FARSB: variants seen among roughly 807,000 people sequenced by gnomAD.
FARSB encodes phenylalanine--tRNA ligase beta subunit.
A neutral mutation model predicts 69.6 loss-of-function variants in FARSB; 40 were observed. That is an observed-to-expected ratio of 0.57 (90% CI 0.45 to 0.75). FARSB has a LOEUF of 0.75. Ranked by LOEUF, FARSB falls within the 30% of genes least tolerant of loss-of-function variation. FARSB has a pLI of 0.00. For missense variants in FARSB, 632 were observed against 722.9 expected (o/e 0.87, Z 1.44); for synonymous variants, 235 against 247.2 (o/e 0.95, Z 0.46).
intron 14 of FARSB, among the ~76,000 whole-genome samples, chr2:222,616,672 G>T (rs930495970): frequency 6.6e-6 from 1 of 151,064 alleles, no homozygotes; most frequent in African/African-American, 2.4e-5. Flanking sequence ...TTTGTTTATT[G>T]TCACTATAAT....
intron 15 of FARSB, among the ~76,000 whole-genome samples, chr2:222,605,272 C>T (rs541136927): frequency 3.3e-5 from 5 of 151,700 alleles, no homozygotes; most frequent in Non-Finnish European, 7.4e-5. Context: ...CCCTTTCATA[C>T]TACTGACTTG....
chr2:222,599,493 A>G (rs1690504746), intron 16 of FARSB, among the ~76,000 whole-genome samples: 1 of 152,210 alleles, frequency 6.6e-6, no homozygotes, highest in Non-Finnish European at 1.5e-5. Flanking sequence ...ATCTTTCAGA[A>G]TAACTTCTGA....
At chr2:222,602,495 T>C (rs576883426) in intron 15 of FARSB, among the ~76,000 whole-genome samples, 1 of 151,898 alleles carries the variant, frequency 6.6e-6, no homozygotes, top group South Asian at 2.1e-4. Flanking sequence ...TGAGTAGTCA[T>C]ACAGATGAGT....
At chr2:222,641,532 A>T (rs546152894) in intron 3 of FARSB, among the ~76,000 whole-genome samples, 1 of 152,344 alleles carries the variant, frequency 6.6e-6, no homozygotes, top group East Asian at 1.9e-4. Flanking sequence ...ATTCTGATTA[A>T]TAGGTGTTGG....
At chr2:222,642,238 T>C (rs998270156) in intron 3 of FARSB, among the ~76,000 whole-genome samples, 1 of 152,192 alleles carries the variant, frequency 6.6e-6, no homozygotes, top group Admixed American at 6.5e-5. Flanking sequence ...TGACCTCAAG[T>C]GATCCACCAG....
intron 15 of FARSB, among the ~76,000 whole-genome samples, chr2:222,606,052 T>C (rs1368924560): frequency 1.3e-5 from 2 of 152,210 alleles, no homozygotes; most frequent in Non-Finnish European, 2.9e-5. Flanking sequence ...TTTTGCAATA[T>C]TTTTAAGAAA....
rs1004946913 is a variant in FARSB, at chr2:222,616,985, C to CT, written c.1344+2659dup. 2.5e-3 allele frequency among the ~76,000 whole-genome samples: 70 copies of CT among 28,368 alleles called. 14 individuals carry two copies. The highest frequency in any genetic ancestry group is 6.5e-3 in the East Asian group (18 of 2,772). 18.6% of individuals were successfully genotyped at this position (28,368 alleles called of 152,430 possible). A position where few individuals can be genotyped will look rare whatever the true frequency, so the allele number is the denominator to read the frequency against. On this transcript the variant is annotated intron_variant, in intron 14 of 16. Coordinates refer to ENST00000281828, the MANE Select transcript of FARSB (RefSeq NM_005687.5). ...GGTACTTTATGCAGAAAGATTGATT[C>CT]TTTTTTTTTTTTTTTTTTTTTTTTT...
At chr2:222,616,545 C>CAAAAAA (rs11447332) in intron 14 of FARSB, among the ~76,000 whole-genome samples, 3 of 74,060 alleles carry the variant, frequency 4.1e-5, no homozygotes, top group South Asian at 5.7e-4. Context: ...GACTCCATCT[C>CAAAAAA]AAAAAAAAAA....
chr2:222,613,702 C>T, intron 15 of FARSB, 109 bp downstream of exon 15: 1 of 666,678 alleles, frequency 1.5e-6, no homozygotes. Flanking sequence ...GTGCTGGGTA[C>T]ATAGGGGCTA....
At position 222,624,709 on chromosome 2, in the gene FARSB, C is replaced by A; in HGVS notation, c.962+5G>T. On this transcript the variant is annotated splice_donor_5th_base_variant and intron_variant, in intron 11 of 16. Transcript: ENST00000281828. ...CTTGAATTAAGTGAAGTTTTCAGAG[C>A]ATACCTGATTCCAACTTTTTTGTTA... is the stretch of plus-strand genomic sequence containing the variant. The A allele has an allele frequency of 6.3e-7, 1 of 1,592,208 alleles. No individual in the cohort carries two copies. The highest frequency in any genetic ancestry group is 8.6e-7 in the Non-Finnish European group (1 of 1,164,436).
At chr2:222,578,854 C>T (rs989266274) in intron 16 of FARSB, among the ~76,000 whole-genome samples, 12 of 151,970 alleles carry the variant, frequency 7.9e-5, no homozygotes, top group Admixed American at 3.9e-4. Flanking sequence ...TGACGGTGGG[C>T]GCCTGTAGTC....
rs142520041 is a variant in FARSB at position 222,576,171 on chromosome 2, C to A, written c.1619-4149G>T. On this transcript the variant is annotated intron_variant, in intron 16 of 16. Transcript: ENST00000281828. ...AATCAGGGTCTTAATTCCTGATCTT[C>A]ATCCCCCTGCCACTGGCTATATTCG... Among the ~76,000 whole-genome samples, 230 of 152,188 alleles carry A rather than the reference C, an allele frequency of 1.5e-3. 1 individual carries two copies. The highest frequency in any genetic ancestry group is 0.013 in the Admixed American group (199 of 15,288).
At chr2:222,590,217 G>A (rs1041390166) in intron 16 of FARSB, among the ~76,000 whole-genome samples, 5 of 152,124 alleles carry the variant, frequency 3.3e-5, no homozygotes, top group Admixed American at 6.6e-5. Context: ...CCTTTGTAGG[G>A]ACATGGATGA....
chr2:222,613,565 A>C (rs1690911804), intron 15 of FARSB, among the ~76,000 whole-genome samples: 1 of 152,138 alleles, frequency 6.6e-6, no homozygotes, highest in Admixed American at 6.5e-5. Flanking sequence ...TAAATAAATA[A>C]ATACATACTA....
chr2:222,609,514 G>C (rs1238594528), intron 15 of FARSB, among the ~76,000 whole-genome samples: 1 of 152,110 alleles, frequency 6.6e-6, no homozygotes, highest in Non-Finnish European at 1.5e-5. Flanking sequence ...CATTCCAAAA[G>C]CATATGCCAC....
intron 14 of FARSB, among the ~76,000 whole-genome samples, chr2:222,615,055 T>C (rs1193189355): frequency 1.3e-5 from 2 of 152,152 alleles, no homozygotes; most frequent in Non-Finnish European, 2.9e-5. Context: ...GTACAGTCAT[T>C]TCATTCTTCC....
intron 16 of FARSB, among the ~76,000 whole-genome samples, chr2:222,594,565 A>G (rs1017517418): frequency 6.6e-6 from 1 of 152,158 alleles, no homozygotes; most frequent in African/African-American, 2.4e-5. Flanking sequence ...TATACAGTAT[A>G]TATATAGTGA....
Position 222,624,489 on chromosome 2 carries a change from G to A in FARSB, c.963-10C>T. ...ATTTTCTGGAGTTTCTCTGAAAAAG[G>A]AATGAACAAACCATAAACTTCATTG... On this transcript the variant is annotated splice_polypyrimidine_tract_variant and intron_variant, in intron 11 of 16. Transcript: ENST00000281828. The A allele has an allele frequency of 6.4e-7, 1 of 1,571,220 alleles. No homozygotes were observed. Among genetic ancestry groups the A allele is most frequent in the East Asian group, 2.2e-5 (1 of 44,586 alleles).
At chr2:222,628,689 A>C in intron 10 of FARSB, 148 bp downstream of exon 10, 1 of 535,932 alleles carries the variant, frequency 1.9e-6, no homozygotes, top group South Asian at 3.1e-5. Flanking sequence ...ATTATGGTGA[A>C]GACTAAATCC....
Sources: allele counts gnomAD v4.1 joint callset (sites outside exome capture counted in the v4.1 genomes callset), GRCh38; gene constraint gnomAD v4.1.1; transcripts MANE v1.5; gene names NCBI Gene and HGNC (gene_info 2026-07-23, HGNC 2026-07-21).